The following PLXDC2 variants were observed in gnomAD, a reference collection of about 807,000 sequenced individuals.
PLXDC2 encodes plexin domain containing 2.
Under a neutral mutation model 68.9 loss-of-function variants are expected in PLXDC2, and 40 were observed. The observed-to-expected ratio is 0.58, with a 90% CI of 0.45 to 0.76. The LOEUF is 0.76. PLXDC2 is among the 30% of genes least tolerant of loss of function. The pLI is 0.00. For synonymous variants in PLXDC2, 243 were observed against 234.2 expected (o/e 1.04, Z -0.34); for missense variants, 644 against 661.9 (o/e 0.97, Z 0.30).
At chr10:19,872,010 G>T (rs1837547871) in intron 1 of PLXDC2, among the ~76,000 whole-genome samples, 1 of 152,026 alleles carries the variant, frequency 6.6e-6, no homozygotes, top group South Asian at 2.1e-4. Flanking sequence ...ACCTGGATGG[G>T]TACCTGGCAT....
intron 12 of PLXDC2, among the ~76,000 whole-genome samples, chr10:20,235,377 T>G (rs985094546): frequency 1.2e-4 from 18 of 152,340 alleles, no homozygotes; most frequent in Admixed American, 1.0e-3. Flanking sequence ...ACAATAATAC[T>G]GAAGATCAAT....
chr10:20,001,697 T>C, intron 1 of PLXDC2, 78 bp from the exon 2 acceptor site: 1 of 1,348,194 alleles, frequency 7.4e-7, no homozygotes, highest in Non-Finnish European at 1.0e-6. Context: ...AGAATTCTTT[T>C]TTCTTCTCGA....
chr10:20,226,101 T>G (rs1166127809), intron 12 of PLXDC2, among the ~76,000 whole-genome samples: 1 of 152,256 alleles, frequency 6.6e-6, no homozygotes, highest in Non-Finnish European at 1.5e-5. Flanking sequence ...AACTACCTAT[T>G]GGTCCATTGG....
chr10:20,062,758 T>C (rs1351047889), intron 3 of PLXDC2, among the ~76,000 whole-genome samples: 3 of 152,138 alleles, frequency 2.0e-5, no homozygotes, highest in Non-Finnish European at 4.4e-5. Flanking sequence ...ACATGTATCT[T>C]GGAAGAAAAT....
intron 6 of PLXDC2, among the ~76,000 whole-genome samples, chr10:20,163,951 A>T (rs1834339609): frequency 6.6e-6 from 1 of 152,200 alleles, no homozygotes; most frequent in Non-Finnish European, 1.5e-5. Flanking sequence ...ATTTAATTAG[A>T]TATTAATCAA....
intron 4 of PLXDC2, among the ~76,000 whole-genome samples, chr10:20,076,683 G>A (rs566160097): frequency 3.2e-4 from 48 of 152,250 alleles, no homozygotes; most frequent in African/African-American, 1.1e-3. Flanking sequence ...AAGCATAGAA[G>A]GGGTCTCAAG....
intron 4 of PLXDC2, among the ~76,000 whole-genome samples, chr10:20,073,068 G>A (rs1056528323): frequency 6.6e-6 from 1 of 152,156 alleles, no homozygotes; most frequent in Non-Finnish European, 1.5e-5. Context: ...GACCTGGGCT[G>A]GGAGTTTTAA....
chr10:19,833,029 T>C (rs368047106), intron 1 of PLXDC2, among the ~76,000 whole-genome samples: 1 of 152,260 alleles, frequency 6.6e-6, no homozygotes, highest in African/African-American at 2.4e-5. Flanking sequence ...GTCAAAAATG[T>C]CTGTTCTCTG....
intron 1 of PLXDC2, among the ~76,000 whole-genome samples, chr10:19,825,039 C>T (rs1363991807): frequency 6.6e-6 from 1 of 152,112 alleles, no homozygotes; most frequent in Non-Finnish European, 1.5e-5. Flanking sequence ...GCGCTGGTAC[C>T]TTTACCTTAC....
intron 1 of PLXDC2, among the ~76,000 whole-genome samples, chr10:19,857,296 G>T (rs1227226785): frequency 6.6e-6 from 1 of 152,000 alleles, no homozygotes; most frequent in African/African-American, 2.4e-5. Context: ...AACCAAAATG[G>T]CCTAGAACTA....
intron 13 of PLXDC2, among the ~76,000 whole-genome samples, chr10:20,266,268 T>C (rs1299227289): frequency 6.6e-6 from 1 of 151,788 alleles, no homozygotes; most frequent in Non-Finnish European, 1.5e-5. Context: ...TTAAAAACCA[T>C]TGAAAATTTT....
At chr10:19,896,973 A>T (rs1407272638) in intron 1 of PLXDC2, among the ~76,000 whole-genome samples, 1 of 151,726 alleles carries the variant, frequency 6.6e-6, no homozygotes, top group African/African-American at 2.4e-5. Flanking sequence ...TTATTGTCTT[A>T]CTCCCTATTA....
At chr10:20,219,025 A>G (rs537499801) in intron 11 of PLXDC2, 39 bp from the exon 12 acceptor site, 3 of 1,601,924 alleles carry the variant, frequency 1.9e-6, no homozygotes, top group African/African-American at 2.7e-5. Context: ...TTTGAAATCA[A>G]TCCTTTTCTG....
In PLXDC2 at chr10:20,216,650, C is replaced by T. The variant is rs74119517; in HGVS notation, c.1123-776C>T. Among the ~76,000 whole-genome samples the T allele has an allele frequency of 5.4e-3, 825 of 152,174 alleles. 7 individuals carry two copies. Among genetic ancestry groups the T allele is most frequent in the African/African-American group, 0.019 (795 of 41,506 alleles). On this transcript the variant is annotated intron_variant, in intron 10 of 13. Transcript: ENST00000377252. ...AGAATAGTTATTTTCTACTCAAGGC[C>T]CACCTGAGAGAGGGAGTCCACTGCG...
intron 1 of PLXDC2, among the ~76,000 whole-genome samples, chr10:19,871,919 T>C (rs559360118): frequency 2.0e-5 from 3 of 152,136 alleles, no homozygotes; most frequent in Admixed American, 6.5e-5. Context: ...CTTACATTGT[T>C]TACCATATGC....
chr10:19,964,653 C>T (rs1224014586), intron 1 of PLXDC2, among the ~76,000 whole-genome samples: 1 of 152,176 alleles, frequency 6.6e-6, no homozygotes, highest in Non-Finnish European at 1.5e-5. Context: ...CAGCACTTGT[C>T]CCCTTGCTGT....
chr10:19,987,935 T>TA (rs1291173429), intron 1 of PLXDC2, among the ~76,000 whole-genome samples: 2 of 152,160 alleles, frequency 1.3e-5, no homozygotes, highest in African/African-American at 4.8e-5. Context: ...TAATCTAACT[T>TA]ACATTTTATA....
intron 9 of PLXDC2, among the ~76,000 whole-genome samples, chr10:20,206,547 G>C (rs575350884): frequency 6.6e-6 from 1 of 152,106 alleles, no homozygotes; most frequent in African/African-American, 2.4e-5. Flanking sequence ...AGAATTTGCT[G>C]TGCTTAGAGC....
At chr10:20,211,592 CT>C in intron 9 of PLXDC2, 76 bp from the exon 10 acceptor site, 1 of 1,338,992 alleles carries the variant, frequency 7.5e-7, no homozygotes. Flanking sequence ...ACCTACTAAT[CT>C]TTTACTTTTA....
Sources: allele counts gnomAD v4.1 joint callset (sites outside exome capture counted in the v4.1 genomes callset), GRCh38; gene constraint gnomAD v4.1.1; transcripts MANE v1.5; gene names NCBI Gene and HGNC (gene_info 2026-07-23, HGNC 2026-07-21).